The following SERPINA4 variants were observed in gnomAD, a reference collection of about 807,000 sequenced individuals.
SERPINA4 encodes the protein serpin family A member 4, also known as kallistatin.
In SERPINA4, 24 loss-of-function variants were observed where a neutral mutation model predicts 25.4. The ratio of observed to expected loss-of-function variants is 0.95; its 90% CI spans 0.69 to 1.33. SERPINA4 has a LOEUF of 1.33. SERPINA4 is among the 40% of genes most tolerant of loss of function. The pLI, the probability that SERPINA4 is intolerant of heterozygous loss-of-function variation, is 0.00. For missense variants in SERPINA4, 553 were observed against 535.8 expected (o/e 1.03, Z -0.32); for synonymous variants, 242 against 223.6 (o/e 1.08, Z -0.73).
Position 94,569,581 on chromosome 14 carries a change from C to T in SERPINA4, c.1270C>T (p.Pro424Ser). 6.2e-7 allele frequency: 1 copy of T among 1,614,156 alleles called. No individual in the cohort carries two copies. Among genetic ancestry groups the T allele is most frequent in the Non-Finnish European group, 8.5e-7 (1 of 1,180,030 alleles). The change falls in exon 5 of 5, where the codon CCC becomes TCC. Residue 424 changes from proline to serine, a missense_variant. By Grantham distance (74) the Pro-to-Ser change is moderately conservative. Transcript: ENST00000557004. Reference sequence around the variant, plus strand: ...CCTCTTTCTGGGCAAGGTCGTCGACCCCACGAAACCATAGCCCTCCCAGGG... The same window carrying T: ...CCTCTTTCTGGGCAAGGTCGTCGACTCCACGAAACCATAGCCCTCCCAGGG... The part of the protein sequence containing the change: ...SVLFLGKVVD[P>S]TKP
chr14:94,568,829 A>T (rs1046608703), intron 4 of SERPINA4, among the ~76,000 whole-genome samples: 1 of 148,634 alleles, frequency 6.7e-6, no homozygotes, highest in African/African-American at 2.5e-5. Flanking sequence ...AGGCCACTGC[A>T]CTCCAGCCTG....
Position 94,563,692 on chromosome 14 carries a change from C to T in SERPINA4, c.210C>T (p.Thr70=). Residue 70 remains threonine (T), a synonymous_variant, in exon 2 of 5, where the codon ACC becomes ACT. Coordinates refer to ENST00000557004, the MANE Select transcript of SERPINA4 (RefSeq NM_006215.4). ...FRFYYLIASE[T]PGKNIFFSPL... ...TCTACTACCTGATCGCTTCGGAGACCCCGGGGAAGAACATCTTTTTCTCCC... is the reference window on the plus strand; with the variant it reads ...TCTACTACCTGATCGCTTCGGAGACTCCGGGGAAGAACATCTTTTTCTCCC... The T allele has an allele frequency of 1.9e-6, 3 of 1,613,916 alleles. No homozygotes were observed. The highest frequency in any genetic ancestry group is 2.5e-6 in the Non-Finnish European group (3 of 1,180,044).
Position 94,566,911 on chromosome 14 carries a change from T to G in SERPINA4, c.650-59T>G, listed in dbSNP as rs889874137. ...AGAACACCAGATGGCATTCCCTGGC[T>G]GGAGGACTAGCTCTGTGGCCTGCAG... On this transcript the variant is annotated intron_variant, in intron 2 of 4. Transcript: ENST00000557004. 11 of 1,547,172 alleles carry G rather than the reference T, an allele frequency of 7.1e-6. No homozygotes were observed. The African/African-American group carries it at 1.2e-4, about 17-fold the overall frequency.
At chr14:94,566,447 A>T (rs1357277583) in intron 2 of SERPINA4, among the ~76,000 whole-genome samples, 1 of 152,160 alleles carries the variant, frequency 6.6e-6, no homozygotes, top group Admixed American at 6.5e-5. Context: ...CTCACTTTTC[A>T]TTGAGAAAAC....
chr14:94,561,808 A>G (rs1435340703), intron 1 of SERPINA4: 1 of 1,289,858 alleles, frequency 7.8e-7, no homozygotes, highest in South Asian at 1.2e-5. Flanking sequence ...CTGCCAATCC[A>G]GGTGATCTTG....
chr14:94,563,629 C>T lies in SERPINA4; in HGVS notation c.147C>T (p.Leu49=). The T allele has an allele frequency of 6.2e-7, 1 of 1,613,964 alleles. No homozygotes were observed. Among genetic ancestry groups the T allele is most frequent in the Non-Finnish European group, 8.5e-7 (1 of 1,180,046 alleles). The change falls in exon 2 of 5, where the codon CTC becomes CTT. Residue 49 remains leucine, a synonymous_variant. Transcript: ENST00000557004. The stretch of plus-strand genomic sequence containing the variant: ...AGACAGGTGAGGGCTCCCCCAGCCT[C>T]AAGATAGCCCCTGCCAATGCTGACT... The part of the protein sequence containing the change: ...ILETGEGSPS[L]KIAPANADFA...
At chr14:94,562,885 AC>A (rs770499946) in intron 1 of SERPINA4, among the ~76,000 whole-genome samples, 8 of 152,182 alleles carry the variant, frequency 5.3e-5, no homozygotes, top group Non-Finnish European at 8.8e-5. Context: ...GGGTAACAAT[AC>A]AAAGACCAGT....
intron 1 of SERPINA4, among the ~76,000 whole-genome samples, chr14:94,562,250 G>C (rs1315303129): frequency 6.6e-6 from 1 of 152,166 alleles, no homozygotes; most frequent in Non-Finnish European, 1.5e-5. Context: ...CAGAGACTGT[G>C]TGGTCTGCAA....
intron 1 of SERPINA4, chr14:94,561,848 T>C (rs757859979): frequency 4.6e-5 from 59 of 1,289,670 alleles, no homozygotes; most frequent in Non-Finnish European, 5.6e-5. Context: ...GAGGTGTGTC[T>C]GTGAGTGATG....
At chr14:94,564,190 T>A (rs1258103395) in intron 2 of SERPINA4, 59 bp downstream of exon 2, 4 of 1,516,524 alleles carry the variant, frequency 2.6e-6, no homozygotes, top group Non-Finnish European at 3.6e-6. Flanking sequence ...ACCCACTAAT[T>A]TGTTGACTGG....
At chr14:94,563,360 G>A (rs1902084356) in intron 1 of SERPINA4, 106 bp from the exon 2 acceptor site, 2 of 1,172,176 alleles carry the variant, frequency 1.7e-6, no homozygotes, top group Non-Finnish European at 2.4e-6. Context: ...TGCAGGAGTT[G>A]AGGGTGTCAC....
At position 94,563,570 on chromosome 14, in the gene SERPINA4, A is replaced by G. The variant is rs762181089; in HGVS notation, c.88A>G (p.Ser30Gly). 32 of 1,613,854 alleles carry G rather than the reference A, an allele frequency of 2.0e-5. No homozygotes were observed. Among genetic ancestry groups the G allele is most frequent in the Non-Finnish European group, 1.4e-5 (17 of 1,180,022 alleles). The change falls in exon 2 of 5, where the codon AGT (serine) becomes GGT (glycine). Residue 30 changes from serine (S) to glycine (G), a missense_variant. Physicochemically the swap from Ser to Gly is moderately conservative, Grantham distance 56. Coordinates refer to ENST00000557004, the MANE Select transcript of SERPINA4 (RefSeq NM_006215.4). ...GCTGCACGTTGAGCATGATGGTGAG[A>G]GTTGCAGTAACAGCTCCCACCAGCA... ...GQLHVEHDGE[S>G]CSNSSHQQIL...
Position 94,567,091 on chromosome 14 carries a change from T to G in SERPINA4, c.771T>G (p.His257Gln). 1 of 1,614,220 alleles carries G rather than the reference T, an allele frequency of 6.2e-7. No homozygotes were observed. The highest frequency in any genetic ancestry group is 8.5e-7 in the Non-Finnish European group (1 of 1,180,048). ...ACCAGGAGCATCACTGGTATCTTCA[T>G]GACAGATACTTGCCCTGCTCGGTGC... ...LQDQEHHWYL[H>Q]DRYLPCSVLR... Residue 257 changes from histidine (H) to glutamine (Q), a missense_variant, in exon 3 of 5, where the codon CAT becomes CAG. Coordinates refer to ENST00000557004, the MANE Select transcript of SERPINA4 (RefSeq NM_006215.4).
chr14:94,563,257 C>G (rs999646462), intron 1 of SERPINA4, among the ~76,000 whole-genome samples: 1 of 152,130 alleles, frequency 6.6e-6, no homozygotes, highest in Non-Finnish European at 1.5e-5. Flanking sequence ...AAGGAGTGTG[C>G]CTTGTAAGTC....
At chr14:94,568,608 A>T (rs1407829164) in intron 4 of SERPINA4, among the ~76,000 whole-genome samples, 1 of 152,164 alleles carries the variant, frequency 6.6e-6, no homozygotes, top group East Asian at 1.9e-4. Flanking sequence ...TAATCTCAGC[A>T]TTTTGGGAGG....
At chr14:94,564,210 T>G (rs1179557628) in intron 2 of SERPINA4, 79 bp downstream of exon 2, 1 of 1,438,906 alleles carries the variant, frequency 6.9e-7, no homozygotes, top group African/African-American at 1.4e-5. Context: ...GTTAAATATA[T>G]TTTTACAAAA....
intron 2 of SERPINA4, among the ~76,000 whole-genome samples, chr14:94,564,968 T>C (rs1271888235): frequency 6.6e-6 from 1 of 152,226 alleles, no homozygotes; most frequent in African/African-American, 2.4e-5. Flanking sequence ...GTCCACACAG[T>C]TGATTTTGCA....
chr14:94,563,609 G>C lies in SERPINA4; in HGVS notation c.127G>C (p.Gly43Arg), dbSNP rs750919806. The C allele has an allele frequency of 1.6e-5, 26 of 1,613,836 alleles. No homozygotes were observed. The highest frequency in any genetic ancestry group is 2.1e-5 in the Non-Finnish European group (25 of 1,180,040). ...CTCCCACCAGCAGATTCTGGAGACA[G>C]GTGAGGGCTCCCCCAGCCTCAAGAT... is the stretch of plus-strand genomic sequence containing the variant. ...NSSHQQILET[G>R]EGSPSLKIAP... The change falls in exon 2 of 5, where the codon GGT (glycine) becomes CGT (arginine). Residue 43 changes from glycine to arginine, a missense_variant. Coordinates refer to ENST00000557004, the MANE Select transcript of SERPINA4 (RefSeq NM_006215.4).
chr14:94,562,003 G>T (rs1307598004), intron 1 of SERPINA4, among the ~76,000 whole-genome samples: 1 of 152,182 alleles, frequency 6.6e-6, no homozygotes, highest in Non-Finnish European at 1.5e-5. Context: ...CCGCCCATGA[G>T]CTAAGAATGC....
Sources: allele counts gnomAD v4.1 joint callset (sites outside exome capture counted in the v4.1 genomes callset), GRCh38; gene constraint gnomAD v4.1.1; transcripts MANE v1.5; gene names NCBI Gene and HGNC (gene_info 2026-07-23, HGNC 2026-07-21).